Variants in POLR3B observed in about 807,000 individuals in gnomAD.
POLR3B encodes DNA-directed RNA polymerase III subunit RPC2.
Under a neutral mutation model 147.4 loss-of-function variants are expected in POLR3B, and 96 were observed. The ratio of observed to expected loss-of-function variants is 0.65; its 90% confidence interval spans 0.55 to 0.77. POLR3B has a LOEUF of 0.77. Among genes scored for constraint, POLR3B ranks in the 30% least tolerant of loss-of-function variants. The pLI, the probability that POLR3B is intolerant of heterozygous loss-of-function variation, is 0.00. For synonymous variants in POLR3B, 461 were observed against 485.9 expected (o/e 0.95, Z 0.67); for missense variants, 1,036 against 1,413.5 (o/e 0.73, Z 4.28).
In POLR3B at chr12:106,374,708, G is replaced by A. The variant is rs141117447; in HGVS notation, c.405-1651G>A. 2.7e-3 allele frequency among the ~76,000 whole-genome samples: 418 copies of A among 152,172 alleles called. 4 individuals carry two copies. The highest frequency in any genetic ancestry group is 9.5e-3 in the African/African-American group (393 of 41,508). The stretch of plus-strand genomic sequence containing the variant: ...ATTTTTTGTATTTTTAGTAGAGATG[G>A]GGTTTCACCACGTTGACCAGGATGG... On this transcript the variant is annotated intron_variant, in intron 6 of 27. Coordinates refer to ENST00000228347, the MANE Select transcript of POLR3B (RefSeq NM_018082.6).
chr12:106,459,368 C>A lies in POLR3B; in HGVS notation c.2570C>A (p.Thr857Asn). 7.1e-7 allele frequency: 1 copy of A among 1,411,264 alleles called. No individual in the cohort carries two copies. 87.4% of individuals were successfully genotyped at this position (1,411,264 alleles called of 1,614,324 possible). A position where few individuals can be genotyped will look rare whatever the true frequency, so the allele number is the denominator to read the frequency against. ...CCACAGTACAAAGATGTACCCATAA[C>A]GTATGTATTGGTTGTGCCCTGGTAA... ...QQPQYKDVPI[T>N]YKGATDSYIE... Residue 857 changes from threonine (T) to asparagine (N), a missense_variant and splice_region_variant, in exon 22 of 28, where the codon ACC (threonine) becomes AAC (asparagine). This residue lies in a region of POLR3B where 202 missense variants were observed against 272.8 expected (regional missense o/e 0.74). Transcript: ENST00000228347.
chr12:106,501,808 A>T (rs953484461), intron 26 of POLR3B, among the ~76,000 whole-genome samples: 1 of 152,236 alleles, frequency 6.6e-6, no homozygotes, highest in African/African-American at 2.4e-5. Context: ...CAGAAGACAC[A>T]TGCAGACATT....
At chr12:106,486,140 T>G (rs2038334995) in intron 23 of POLR3B, among the ~76,000 whole-genome samples, 1 of 151,648 alleles carries the variant, frequency 6.6e-6, no homozygotes, top group Non-Finnish European at 1.5e-5. Context: ...ATACAAAAAA[T>G]TAGTTGGGCG....
intron 8 of POLR3B, among the ~76,000 whole-genome samples, chr12:106,379,245 G>A (rs2036726470): frequency 6.6e-6 from 1 of 152,180 alleles, no homozygotes; most frequent in African/African-American, 2.4e-5. Context: ...CCCAGATACG[G>A]TTAATTTTAC....
At chr12:106,377,691 A>G (rs2036699613) in intron 7 of POLR3B, among the ~76,000 whole-genome samples, 1 of 152,196 alleles carries the variant, frequency 6.6e-6, no homozygotes, top group Admixed American at 6.5e-5. Flanking sequence ...CACTTTTTAC[A>G]TATGTCAGGG....
intron 10 of POLR3B, among the ~76,000 whole-genome samples, chr12:106,397,487 G>C (rs1196527370): frequency 6.6e-6 from 1 of 151,998 alleles, no homozygotes; most frequent in Non-Finnish European, 1.5e-5. Flanking sequence ...GCCAATTACA[G>C]AACTTTATAT....
intron 6 of POLR3B, among the ~76,000 whole-genome samples, chr12:106,374,495 G>T (rs1374974340): frequency 6.6e-6 from 1 of 151,548 alleles, no homozygotes; most frequent in African/African-American, 2.4e-5. Flanking sequence ...AGAATTGCAG[G>T]CATGAGCCAC....
intron 25 of POLR3B, chr12:106,499,941 C>G (rs1417734350): frequency 5.8e-6 from 2 of 347,662 alleles, no homozygotes; most frequent in Admixed American, 3.5e-5. Flanking sequence ...TCTGCTGTGT[C>G]TGTTGTTTCC....
chr12:106,370,166 C>T (rs972697696), intron 6 of POLR3B, among the ~76,000 whole-genome samples: 1 of 152,172 alleles, frequency 6.6e-6, no homozygotes, highest in Non-Finnish European at 1.5e-5. Flanking sequence ...TAGAAATGGA[C>T]AAAACCCACA....
intron 19 of POLR3B, among the ~76,000 whole-genome samples, chr12:106,448,446 TTTTTTTTTTTG>T: frequency 1.5e-5 from 2 of 134,576 alleles, no homozygotes; most frequent in African/African-American, 5.7e-5. Flanking sequence ...TTTTTTTTTT[TTTTTTTTTTTG>T]AGATGGAGTC....
chr12:106,375,278 GT>G (rs2036662193), intron 6 of POLR3B, among the ~76,000 whole-genome samples: 4 of 152,160 alleles, frequency 2.6e-5, no homozygotes, highest in Admixed American at 1.3e-4. Context: ...TCTAATTTTG[GT>G]GTTTAGTATC....
intron 22 of POLR3B, 38 bp from the exon 23 acceptor site, chr12:106,463,440 T>C: frequency 1.2e-6 from 2 of 1,603,214 alleles, no homozygotes; most frequent in Non-Finnish European, 1.7e-6. Context: ...AAAGGGCAGT[T>C]TGAAAACTCT....
chr12:106,415,411 T>C (rs1018947487), intron 12 of POLR3B, among the ~76,000 whole-genome samples: 2 of 152,214 alleles, frequency 1.3e-5, no homozygotes, highest in Non-Finnish European at 2.9e-5. Flanking sequence ...AGATCAGTCT[T>C]TGTGGTTGTC....
In POLR3B at chr12:106,432,956, C is replaced by T. The variant is rs375805274; in HGVS notation, c.1627+476C>T. ...TTCATATACCTCTTCCCGTCTCCTT[C>T]GAAGTCTTCCAGAGACTTAGCAGCA... On this transcript the variant is annotated intron_variant, in intron 15 of 27. Transcript: ENST00000228347. Among the ~76,000 whole-genome samples the T allele has an allele frequency of 4.6e-5, 7 of 152,312 alleles. No individual in the cohort carries two copies. The East Asian group carries it at 5.8e-4, about 13-fold the overall frequency.
At chr12:106,458,018 A>G (rs1213896858) in intron 21 of POLR3B, among the ~76,000 whole-genome samples, 1 of 152,240 alleles carries the variant, frequency 6.6e-6, no homozygotes, top group African/African-American at 2.4e-5. Context: ...TAACAAGAAG[A>G]GAGTGCAGGG....
chr12:106,432,046 T>C (rs190518668), intron 14 of POLR3B, among the ~76,000 whole-genome samples: 37 of 152,174 alleles, frequency 2.4e-4, no homozygotes, highest in African/African-American at 8.7e-4. Context: ...GCATTTATGA[T>C]GTCGTCAGCA....
chr12:106,411,035 G>A, intron 12 of POLR3B, 75 bp downstream of exon 12: 1 of 1,387,340 alleles, frequency 7.2e-7, no homozygotes, highest in Non-Finnish European at 1.0e-6. Flanking sequence ...CACATAAGAA[G>A]AAACATTTGA....
At chr12:106,362,252 T>C (rs2136877343) in intron 1 of POLR3B, among the ~76,000 whole-genome samples, 1 of 152,250 alleles carries the variant, frequency 6.6e-6, no homozygotes, top group African/African-American at 2.4e-5. Context: ...GGGTTAGCCT[T>C]AGACCAAGGA....
intron 16 of POLR3B, among the ~76,000 whole-genome samples, chr12:106,435,368 C>T (rs2037563791): frequency 1.3e-5 from 2 of 151,880 alleles, no homozygotes; most frequent in Admixed American, 1.3e-4. Context: ...TGGTCTCGAA[C>T]TCCTGGCCTC....
Sources: allele counts gnomAD v4.1 joint callset (sites outside exome capture counted in the v4.1 genomes callset), GRCh38; gene constraint gnomAD v4.1.1; regional missense constraint gnomAD v4.1.1; transcripts MANE v1.5; gene names NCBI Gene and HGNC (gene_info 2026-07-23, HGNC 2026-07-21).